The following DYNC2H1 variants were observed in gnomAD, a reference collection of about 807,000 sequenced individuals.
The protein encoded by DYNC2H1 is dynein cytoplasmic 2 heavy chain 1.
In DYNC2H1, 410 loss-of-function variants were observed where a neutral mutation model predicts 570.0. The observed-to-expected ratio is 0.72, with a 90% confidence interval of 0.66 to 0.78. The LOEUF (loss-of-function observed/expected upper bound fraction) is 0.78. DYNC2H1 is among the 30% of genes least tolerant of loss of function. DYNC2H1 has a pLI of 0.00. For synonymous variants in DYNC2H1, 1,688 were observed against 1,677.6 expected, an observed-to-expected ratio of 1.01 and a Z score of -0.15; for missense variants, 4,865 against 5,046.4, an observed-to-expected ratio of 0.96 and a Z score of 1.09.
intron 75 of DYNC2H1, among the ~76,000 whole-genome samples, chr11:103,298,700 A>C (rs923947835): frequency 2.0e-5 from 3 of 152,158 alleles, no homozygotes; most frequent in Non-Finnish European, 4.4e-5. Flanking sequence ...TCAAATTACC[A>C]GAGAACAACA....
Position 103,199,388 on chromosome 11 carries a change from TAGTC to T in DYNC2H1, c.8006_8009del (p.Ser2669ThrfsTer18), listed in dbSNP as rs1862629332. On this transcript the variant is annotated frameshift_variant, in exon 49 of 89. Coordinates refer to ENST00000375735, the MANE Select transcript of DYNC2H1 (RefSeq NM_001377.3). LOFTEE classifies it high-confidence loss of function. This position sits in a 1 kb window ranked among gnomAD's most constrained non-coding sequence, Gnocchi z 4.6. ...GTAGGTCGTCGGACCATCACTTCTT[TAGTC>T]AGTCACATGCATGGAGCGGTCCTGT... is the stretch of plus-strand genomic sequence containing the variant. The T allele has an allele frequency of 1.2e-6, 2 of 1,612,728 alleles. No homozygotes were observed. The highest frequency in any genetic ancestry group is 1.7e-6 in the Non-Finnish European group (2 of 1,179,582).
rs1431670392 is a variant in DYNC2H1, at chr11:103,299,477, C to G, written c.11096-3616C>G. 6.6e-6 allele frequency among the ~76,000 whole-genome samples: 1 copy of G among 152,080 alleles called. No homozygotes were observed. The highest frequency in any genetic ancestry group is 2.4e-5 in the African/African-American group (1 of 41,442). On this transcript the variant is annotated intron_variant, in intron 75 of 88. Transcript: ENST00000375735. The surrounding 1 kb of genome is among the most constrained non-coding windows in gnomAD (Gnocchi z 4.5). The stretch of plus-strand genomic sequence containing the variant: ...CTTCCAAACCCATTCAGGTTCAGCC[C>G]TATTCAGTTTTAGGAGTGAGGTCCC...
chr11:103,391,760 CG>C (rs1271557339), intron 83 of DYNC2H1, among the ~76,000 whole-genome samples: 5 of 152,082 alleles, frequency 3.3e-5, no homozygotes, highest in African/African-American at 1.2e-4. Flanking sequence ...GCTGGAGGTC[CG>C]CTCCAGACCC....
intron 18 of DYNC2H1, among the ~76,000 whole-genome samples, chr11:103,147,171 G>T (rs976961331): frequency 6.6e-6 from 1 of 152,092 alleles, no homozygotes; most frequent in East Asian, 1.9e-4. Flanking sequence ...ATTATTTGAC[G>T]TGTACATTGC....
At chr11:103,179,944 T>C (rs1397507853) in intron 39 of DYNC2H1, among the ~76,000 whole-genome samples, 1 of 151,702 alleles carries the variant, frequency 6.6e-6, no homozygotes, top group Non-Finnish European at 1.5e-5. Context: ...TTTTATTTTT[T>C]TTAGTACCAT....
At chr11:103,285,371 G>C (rs1472097333) in intron 73 of DYNC2H1, among the ~76,000 whole-genome samples, 1 of 151,764 alleles carries the variant, frequency 6.6e-6, no homozygotes, top group Non-Finnish European at 1.5e-5. Context: ...AAGATGATCA[G>C]ACACCAACAG....
At chr11:103,311,001 C>T (rs953946147) in intron 78 of DYNC2H1, among the ~76,000 whole-genome samples, 2 of 151,982 alleles carry the variant, frequency 1.3e-5, no homozygotes, top group Non-Finnish European at 2.9e-5. Flanking sequence ...CATACCCAGC[C>T]ACTTTTTAAA....
chr11:103,153,612 A>C (rs1292533329), intron 22 of DYNC2H1, 104 bp downstream of exon 22: 41 of 1,031,716 alleles, frequency 4.0e-5, no homozygotes, highest in Non-Finnish European at 5.6e-5. Flanking sequence ...TTTCCTCATA[A>C]ACTTCATCAC....
In DYNC2H1 at chr11:103,170,815, A is replaced by T; in HGVS notation, c.5152-71A>T. 1 of 1,274,494 alleles carries T rather than the reference A, an allele frequency of 7.8e-7. No individual in the cohort carries two copies. Among genetic ancestry groups the T allele is most frequent in the Admixed American group, 3.2e-5 (1 of 31,558 alleles). The allele number at this position is 1,274,494 out of a possible 1,614,324, so 78.9% of individuals were successfully genotyped here. A position where few individuals can be genotyped will look rare whatever the true frequency, so the allele number is the denominator to read the frequency against. ...AATTATCACCTTATCAATAAGTAAC[A>T]TTAAATATTAAGTAGTTATGGAGAT... On this transcript the variant is annotated intron_variant, in intron 33 of 88. Coordinates refer to ENST00000375735, the MANE Select transcript of DYNC2H1 (RefSeq NM_001377.3). This position sits in a 1 kb window ranked among gnomAD's most constrained non-coding sequence, Gnocchi z 4.8.
chr11:103,263,022 CAAAAA>C (rs35912109), intron 70 of DYNC2H1, among the ~76,000 whole-genome samples: 2 of 39,974 alleles, frequency 5.0e-5, no homozygotes, highest in African/African-American at 2.2e-4. Flanking sequence ...AAATGGAAAG[CAAAAA>C]AAAAAAAAAA....
intron 83 of DYNC2H1, among the ~76,000 whole-genome samples, chr11:103,365,077 G>A (rs1940838179): frequency 6.6e-6 from 1 of 151,968 alleles, no homozygotes; most frequent in South Asian, 2.1e-4. Flanking sequence ...ATGTGCATTG[G>A]TGCCCAGGTG....
chr11:103,129,125 G>A lies in DYNC2H1; in HGVS notation c.1953+120G>A. 1.3e-6 allele frequency: 1 copy of A among 760,406 alleles called. No individual in the cohort carries two copies. Among genetic ancestry groups the A allele is most frequent in the Non-Finnish European group, 2.0e-6 (1 of 491,360 alleles). 47.1% of individuals were successfully genotyped at this position (760,406 alleles called of 1,614,324 possible). A position where few individuals can be genotyped will look rare whatever the true frequency, so the allele number is the denominator to read the frequency against. On this transcript the variant is annotated intron_variant, in intron 13 of 88. Coordinates refer to ENST00000375735, the MANE Select transcript of DYNC2H1 (RefSeq NM_001377.3). The surrounding 1 kb of genome is among the most constrained non-coding windows in gnomAD (Gnocchi z 4.1). Reference sequence around the variant, plus strand: ...TGATCTAGATTTTGTTTTGCTTCCAGGGACTTCCTTCAATCTTAGCAAGTA... The same window carrying A: ...TGATCTAGATTTTGTTTTGCTTCCAAGGACTTCCTTCAATCTTAGCAAGTA...
Position 103,109,474 on chromosome 11 carries a change from G to C in DYNC2H1, c.-101G>C. On this transcript the variant is annotated 5_prime_UTR_variant, in exon 1 of 89. Coordinates refer to ENST00000375735, the MANE Select transcript of DYNC2H1 (RefSeq NM_001377.3). ...CGAAGCTCTGCGGTCCCGCGGTCGG[G>C]CTACGGGTTTGAGCAAAGCTCCTCT... The C allele has an allele frequency of 1.7e-6, 2 of 1,200,154 alleles. No individual in the cohort carries two copies. Among genetic ancestry groups the C allele is most frequent in the Middle Eastern group, 2.4e-4 (1 of 4,200 alleles). The allele number at this position is 1,200,154 out of a possible 1,614,324, so 74.3% of individuals were successfully genotyped here.
intron 13 of DYNC2H1, among the ~76,000 whole-genome samples, chr11:103,131,686 G>A (rs533780958): frequency 6.6e-6 from 1 of 151,914 alleles, no homozygotes; most frequent in African/African-American, 2.4e-5. Context: ...CATTCCTGAA[G>A]GATATTTTAA....
At chr11:103,238,940 T>C (rs191863333) in intron 63 of DYNC2H1, among the ~76,000 whole-genome samples, 11 of 152,284 alleles carry the variant, frequency 7.2e-5, no homozygotes, top group Non-Finnish European at 7.3e-5. Flanking sequence ...CCTGATACAA[T>C]TATTAATAGT....
At chr11:103,436,599 C>T (rs368037011) in intron 85 of DYNC2H1, among the ~76,000 whole-genome samples, 2 of 152,092 alleles carry the variant, frequency 1.3e-5, no homozygotes, top group African/African-American at 2.4e-5. Flanking sequence ...ACCACATTAA[C>T]GTCTACTATC....
intron 83 of DYNC2H1, among the ~76,000 whole-genome samples, chr11:103,393,523 T>G (rs1228160737): frequency 6.6e-6 from 1 of 152,250 alleles, no homozygotes; most frequent in Non-Finnish European, 1.5e-5. Context: ...TCATATGCCT[T>G]GAAAGTTTCA....
chr11:103,444,078 A>G (rs638924), intron 85 of DYNC2H1, among the ~76,000 whole-genome samples: 53,546 of 151,536 alleles, frequency 0.35, 9,993 homozygotes, highest in African/African-American at 0.47. Context: ...CTTGATACAT[A>G]TATTTTTGTA....
chr11:103,163,264 C>G lies in DYNC2H1; in HGVS notation c.4611+117C>G. 8.2e-7 allele frequency: 1 copy of G among 1,224,476 alleles called. No individual in the cohort carries two copies. The highest frequency in any genetic ancestry group is 1.1e-6 in the Non-Finnish European group (1 of 916,754). 75.9% of individuals were successfully genotyped at this position (1,224,476 alleles called of 1,614,324 possible). A position where few individuals can be genotyped will look rare whatever the true frequency, so the allele number is the denominator to read the frequency against. ...TTTTCTCCCTTTATCTAACAGTTAA[C>G]GGACAAATTGCTTAACTTCTGAGTC... On this transcript the variant is annotated intron_variant, in intron 30 of 88. Coordinates refer to ENST00000375735, the MANE Select transcript of DYNC2H1 (RefSeq NM_001377.3). This position sits in a 1 kb window ranked among gnomAD's most constrained non-coding sequence, Gnocchi z 4.6.
Sources: gnomAD v4.1 joint callset for allele counts (sites outside exome capture counted in the v4.1 genomes callset) on GRCh38, gnomAD v4.1.1 for gene constraint, Gnocchi (gnomAD v3.1) non-coding constraint, MANE v1.5 for transcripts, NCBI Gene and HGNC (gene_info 2026-07-23, HGNC 2026-07-21) for gene names.